RBFOX1: variants seen among roughly 807,000 people sequenced by gnomAD.
RBFOX1 encodes the protein RNA binding fox-1 homolog 1, also known as RNA binding protein fox-1 homolog 1.
A neutral mutation model predicts 57.7 loss-of-function variants in RBFOX1; 8 were observed. That is an observed-to-expected ratio of 0.14 (90% CI 0.08 to 0.25). The LOEUF is 0.25. RBFOX1 is among the 10% of genes least tolerant of loss of function. The probability of loss-of-function intolerance (pLI) is 1.00; values close to 1 mark genes in which losing one functional copy is unlikely to be tolerated. For synonymous variants in RBFOX1, 326 were observed against 222.4 expected (o/e 1.47, Z -4.15); for missense variants, 611 against 548.5 (o/e 1.11, Z -1.14).
chr16:6,120,762 C>A (rs1414587673), intron 1 of RBFOX1, among the ~76,000 whole-genome samples: 1 of 152,140 alleles, frequency 6.6e-6, no homozygotes, highest in East Asian at 1.9e-4. Context: ...CAACTCAGAT[C>A]TGTCCCTGCG....
chr16:6,880,952 A>G (rs754638415), intron 3 of RBFOX1, among the ~76,000 whole-genome samples: 2 of 152,152 alleles, frequency 1.3e-5, no homozygotes, highest in Non-Finnish European at 2.9e-5. Context: ...AGGAGATTCA[A>G]TCTAATAACA....
intron 1 of RBFOX1, among the ~76,000 whole-genome samples, chr16:6,150,300 T>C (rs1376471982): frequency 6.6e-6 from 1 of 152,106 alleles, no homozygotes; most frequent in Non-Finnish European, 1.5e-5. Context: ...TTATGACTTT[T>C]ACCCAGAGTG....
At chr16:6,088,903 T>C (rs551584860) in intron 1 of RBFOX1, among the ~76,000 whole-genome samples, 1,663 of 152,036 alleles carry the variant, frequency 0.011, 31 homozygotes, top group African/African-American at 0.039. Flanking sequence ...AATACCATCC[T>C]CGCTAACACA....
chr16:6,765,934 G>A (rs1420405059), intron 3 of RBFOX1, among the ~76,000 whole-genome samples: 2 of 152,112 alleles, frequency 1.3e-5, no homozygotes, highest in Non-Finnish European at 2.9e-5. Flanking sequence ...AAGGTATGAG[G>A]ATGCAAAGGT....
chr16:6,905,549 T>G (rs1009304889), intron 3 of RBFOX1, among the ~76,000 whole-genome samples: 2 of 76,772 alleles, frequency 2.6e-5, no homozygotes, highest in African/African-American at 1.1e-4. Flanking sequence ...TTAGACTCCA[T>G]CTCAAAAAAA....
intron 1 of RBFOX1, among the ~76,000 whole-genome samples, chr16:5,281,460 T>G (rs1270809620): frequency 6.6e-6 from 1 of 152,230 alleles, no homozygotes; most frequent in African/African-American, 2.4e-5. Flanking sequence ...AAAGTGCAGC[T>G]TAAATCTAAT....
chr16:5,349,574 G>A (rs1164146714), intron 1 of RBFOX1, among the ~76,000 whole-genome samples: 1 of 150,336 alleles, frequency 6.7e-6, no homozygotes, highest in African/African-American at 2.5e-5. Flanking sequence ...TCAGGAGGCG[G>A]AGGCAGGAGA....
intron 3 of RBFOX1, among the ~76,000 whole-genome samples, chr16:6,783,245 G>A (rs1247974431): frequency 6.6e-6 from 1 of 151,142 alleles, no homozygotes; most frequent in Non-Finnish European, 1.5e-5. Context: ...TGTTATTATT[G>A]ATAGGTGAGG....
chr16:7,345,575 G>T (rs2096982774), intron 4 of RBFOX1, among the ~76,000 whole-genome samples: 2 of 152,168 alleles, frequency 1.3e-5, no homozygotes, highest in South Asian at 4.1e-4. Flanking sequence ...CCCAGCAGAT[G>T]TTGGATGTGT....
intron 2 of RBFOX1, among the ~76,000 whole-genome samples, chr16:5,469,024 C>T (rs947056610): frequency 4.6e-5 from 7 of 152,228 alleles, no homozygotes; most frequent in South Asian, 2.1e-4. Flanking sequence ...CTGAACCACT[C>T]TGCTTTCTGC....
chr16:6,344,356 T>G (rs906463257), intron 2 of RBFOX1, among the ~76,000 whole-genome samples: 2 of 151,546 alleles, frequency 1.3e-5, no homozygotes, highest in African/African-American at 4.9e-5. Context: ...CGGCCTGGTA[T>G]TATACAATTA....
intron 1 of RBFOX1, among the ~76,000 whole-genome samples, chr16:6,088,939 A>G (rs1448645181): frequency 6.6e-6 from 1 of 151,974 alleles, no homozygotes; most frequent in Admixed American, 6.6e-5. Context: ...TACTAAAAAT[A>G]CAAAAAATTA....
intron 3 of RBFOX1, among the ~76,000 whole-genome samples, chr16:6,994,338 A>G (rs2091950520): frequency 6.6e-6 from 1 of 152,170 alleles, no homozygotes; most frequent in African/African-American, 2.4e-5. Flanking sequence ...CTAGAGTCTA[A>G]TGATCTTAAA....
chr16:7,050,626 A>T (rs544630895), intron 3 of RBFOX1, among the ~76,000 whole-genome samples: 2 of 152,184 alleles, frequency 1.3e-5, no homozygotes, highest in East Asian at 3.9e-4. Context: ...AGGAACCATA[A>T]TATTGTATAT....
At chr16:7,048,709 T>A (rs1215940875) in intron 3 of RBFOX1, among the ~76,000 whole-genome samples, 2 of 152,188 alleles carry the variant, frequency 1.3e-5, no homozygotes, top group Non-Finnish European at 2.9e-5. Flanking sequence ...CTTTGCTATG[T>A]TGATGTTGGT....
At chr16:7,653,791 T>TCTC in intron 11 of RBFOX1, 24 bp from the exon 12 acceptor site, 1 of 1,606,760 alleles carries the variant, frequency 6.2e-7, no homozygotes, top group Non-Finnish European at 8.5e-7. Context: ...GTGCTCTCTC[T>TCTC]CTCTCTCTCC....
chr16:6,397,386 A>T (rs1202433805), intron 2 of RBFOX1, among the ~76,000 whole-genome samples: 2 of 152,224 alleles, frequency 1.3e-5, no homozygotes, highest in Non-Finnish European at 2.9e-5. Flanking sequence ...AGACAATATA[A>T]TGACGTCTTT....
At position 7,136,879 on chromosome 16, in the gene RBFOX1, T is replaced by C. The variant is rs561725671; in HGVS notation, c.27+84781T>C. 1.7e-4 allele frequency among the ~76,000 whole-genome samples: 26 copies of C among 152,328 alleles called. 1 individual carries two copies. The highest frequency in any genetic ancestry group is 3.4e-4 in the Non-Finnish European group (23 of 68,032). ...GTTTATTTCTCTCATACACAAAATC[T>C]ACTGCATGCCTGGGCAGGAAGGAGG... is the stretch of plus-strand genomic sequence containing the variant. On this transcript the variant is annotated intron_variant, in intron 4 of 15. Transcript: ENST00000550418.
intron 3 of RBFOX1, among the ~76,000 whole-genome samples, chr16:6,926,037 G>C (rs1053568068): frequency 1.3e-5 from 2 of 152,056 alleles, no homozygotes; most frequent in Non-Finnish European, 1.5e-5. Context: ...GGCTGGGCTT[G>C]GTGGCTCGTG....
Sources: gnomAD v4.1 joint callset for allele counts (sites outside exome capture counted in the v4.1 genomes callset) on GRCh38, gnomAD v4.1.1 for gene constraint, MANE v1.5 for transcripts, NCBI Gene and HGNC (gene_info 2026-07-23, HGNC 2026-07-21) for gene names.